ZNF626: variants seen among roughly 807,000 people sequenced by gnomAD.
ZNF626 encodes CTC-513N18.7.
In ZNF626, 4 loss-of-function variants were observed where a neutral mutation model predicts 11.7. That is an observed-to-expected ratio of 0.34 (90% CI 0.17 to 0.78). The LOEUF (loss-of-function observed/expected upper bound fraction) is 0.78, where lower values mean the gene tolerates loss of function less well. ZNF626 is among the 30% of genes least tolerant of loss of function. The pLI, the probability that ZNF626 is intolerant of heterozygous loss-of-function variation, is 0.57. For synonymous variants in ZNF626, 179 were observed against 198.6 expected (o/e 0.90, Z 0.83); for missense variants, 588 against 587.1 (o/e 1.00, Z -0.01).
Position 20,625,050 on chromosome 19 carries a change from T to C in ZNF626, c.827A>G (p.Glu276Gly), listed in dbSNP as rs1555769360. Reference sequence around the variant, plus strand: ...GGGTTTCTTTTCCGTATGAATTATCTCATGTTTACTAAGGGTTGAGGATGA... The same window carrying C: ...GGGTTTCTTTTCCGTATGAATTATCCCATGTTTACTAAGGGTTGAGGATGA... ...FMSSSTLSKH[E>G]IIHTEKKPYK... The change falls in exon 4 of 4, where the codon GAG becomes GGG. Residue 276 changes from glutamate to glycine, a missense_variant. Around this residue, in one of 4 missense-constraint regions of ZNF626, gnomAD observed 524 missense variants for 470.1 expected, o/e 1.11. Transcript: ENST00000601440. 2.5e-6 allele frequency: 4 copies of C among 1,613,902 alleles called. No individual in the cohort carries two copies. Among genetic ancestry groups the C allele is most frequent in the Non-Finnish European group, 3.4e-6 (4 of 1,179,988 alleles).
intron 1 of ZNF626, among the ~76,000 whole-genome samples, chr19:20,652,672 C>T (rs1970160073): frequency 6.6e-6 from 1 of 152,088 alleles, no homozygotes; most frequent in South Asian, 2.1e-4. Context: ...CATAATTGCA[C>T]TTTTATTTTA....
At chr19:20,650,017 G>A (rs929803749) in intron 1 of ZNF626, among the ~76,000 whole-genome samples, 1 of 152,210 alleles carries the variant, frequency 6.6e-6, no homozygotes, top group Admixed American at 6.5e-5. Flanking sequence ...GTCTGAAGAA[G>A]TCTGGATTTA....
intron 1 of ZNF626, among the ~76,000 whole-genome samples, chr19:20,650,178 T>A (rs1333984872): frequency 8.8e-4 from 134 of 152,012 alleles, no homozygotes; most frequent in Admixed American, 8.8e-3. Flanking sequence ...TGTATGATAA[T>A]TTTCAGGATT....
intron 1 of ZNF626, among the ~76,000 whole-genome samples, chr19:20,660,418 G>A (rs1970252690): frequency 6.6e-6 from 1 of 151,970 alleles, no homozygotes; most frequent in Non-Finnish European, 1.5e-5. Flanking sequence ...GAATTTTTAA[G>A]ATGCTTACTT....
At chr19:20,627,783 T>C (rs1216113766) in intron 3 of ZNF626, among the ~76,000 whole-genome samples, 3 of 152,114 alleles carry the variant, frequency 2.0e-5, no homozygotes, top group African/African-American at 7.2e-5. Flanking sequence ...ATTTTTAAAT[T>C]TTATTATTAT....
chr19:20,654,015 A>G (rs1245140180), intron 1 of ZNF626, among the ~76,000 whole-genome samples: 2 of 152,234 alleles, frequency 1.3e-5, no homozygotes, highest in Non-Finnish European at 2.9e-5. Context: ...AGTAATAAAC[A>G]TGTCTGACTA....
chr19:20,661,399 A>G, intron 1 of ZNF626, 45 bp downstream of exon 1: 1 of 1,613,428 alleles, frequency 6.2e-7, no homozygotes, highest in Non-Finnish European at 8.5e-7. Flanking sequence ...CACCGGTTCC[A>G]ACCAGTCCCT....
chr19:20,659,536 C>T (rs1324259015), intron 1 of ZNF626, among the ~76,000 whole-genome samples: 2 of 152,108 alleles, frequency 1.3e-5, no homozygotes, highest in Admixed American at 1.3e-4. Context: ...CCATGGCGCT[C>T]AGCCTAAAAT....
intron 3 of ZNF626, among the ~76,000 whole-genome samples, chr19:20,632,118 T>C (rs10416394): frequency 0.45 from 68,388 of 152,000 alleles, 16,657 homozygotes; most frequent in African/African-American, 0.64. Context: ...ATATTGATCC[T>C]CACTCTCTTC....
chr19:20,641,310 A>T (rs1555771427), intron 3 of ZNF626, among the ~76,000 whole-genome samples: 1 of 152,212 alleles, frequency 6.6e-6, no homozygotes, highest in East Asian at 1.9e-4. Context: ...CACCTTAAAT[A>T]AAACAATCTT....
intron 3 of ZNF626, among the ~76,000 whole-genome samples, chr19:20,638,917 T>C (rs930716542): frequency 5.3e-5 from 8 of 152,138 alleles, no homozygotes; most frequent in African/African-American, 1.7e-4. Context: ...TTATAGACTA[T>C]GTTATTTATT....
At chr19:20,656,272 T>C (rs541560294) in intron 1 of ZNF626, among the ~76,000 whole-genome samples, 34 of 152,138 alleles carry the variant, frequency 2.2e-4, no homozygotes, top group Non-Finnish European at 4.4e-4. Context: ...CATTACACCA[T>C]ATACAAAAAT....
intron 1 of ZNF626, among the ~76,000 whole-genome samples, chr19:20,646,983 G>T (rs926924000): frequency 2.0e-5 from 3 of 152,016 alleles, no homozygotes; most frequent in African/African-American, 7.3e-5. Context: ...GAGTAGCTGG[G>T]ATTACAGACA....
intron 3 of ZNF626, among the ~76,000 whole-genome samples, chr19:20,641,208 C>T (rs1437080253): frequency 6.7e-6 from 1 of 150,228 alleles, no homozygotes; most frequent in Non-Finnish European, 1.5e-5. Flanking sequence ...TACCAGTATT[C>T]AAAAAAGCCA....
chr19:20,624,200 T>C lies in ZNF626; in HGVS notation c.*90A>G, dbSNP rs781991790. On this transcript the variant is annotated 3_prime_UTR_variant, in exon 4 of 4. Transcript: ENST00000601440. ...TCACATCTGTAGGGTTTTTTTCCAG[T>C]ATGAATTTTCTTATGTGTAGTAAGG... 1 of 1,602,444 alleles carries C rather than the reference T, an allele frequency of 6.2e-7. No homozygotes were observed. Among genetic ancestry groups the C allele is most frequent in the East Asian group, 2.2e-5 (1 of 44,702 alleles).
intron 3 of ZNF626, among the ~76,000 whole-genome samples, chr19:20,628,177 C>T (rs1555770008): frequency 1.3e-5 from 2 of 151,572 alleles, no homozygotes; most frequent in Admixed American, 6.6e-5. Context: ...TCCAGTCTAT[C>T]GTTGTTGGAC....
intron 1 of ZNF626, among the ~76,000 whole-genome samples, chr19:20,654,456 C>T (rs1374152913): frequency 1.1e-5 from 1 of 93,234 alleles, no homozygotes; most frequent in Non-Finnish European, 2.4e-5. Flanking sequence ...ACACTGTAAT[C>T]CCAGCACTTT....
intron 3 of ZNF626, among the ~76,000 whole-genome samples, chr19:20,625,968 A>G (rs1969826727): frequency 2.0e-5 from 3 of 152,198 alleles, no homozygotes; most frequent in Admixed American, 2.0e-4. Context: ...TGTGCCTTTA[A>G]AAGTAAATTG....
intron 3 of ZNF626, among the ~76,000 whole-genome samples, chr19:20,633,156 A>C (rs1413456538): frequency 1.3e-5 from 2 of 152,140 alleles, no homozygotes; most frequent in Non-Finnish European, 2.9e-5. Flanking sequence ...GTTTTGTCTC[A>C]GAGGAGTACC....
Sources: gnomAD v4.1 joint callset for allele counts (sites outside exome capture counted in the v4.1 genomes callset) on GRCh38, gnomAD v4.1.1 for gene constraint, gnomAD v4.1.1 regional missense constraint, MANE v1.5 for transcripts, NCBI Gene and HGNC (gene_info 2026-07-23, HGNC 2026-07-21) for gene names.